Variants in CNTNAP2 observed in about 807,000 individuals in gnomAD.
The protein encoded by CNTNAP2 is contactin associated protein 2.
CNTNAP2 carries 98 observed loss-of-function variants against 155.2 expected under a neutral mutation model. The ratio of observed to expected loss-of-function variants is 0.63; its 90% CI spans 0.54 to 0.75. The LOEUF (loss-of-function observed/expected upper bound fraction) is 0.75, where lower values mean the gene tolerates loss of function less well. Among genes scored for constraint, CNTNAP2 ranks in the 30% least tolerant of loss-of-function variants. The pLI is 0.00. For missense variants in CNTNAP2, 1,727 were observed against 1,688.1 expected, an observed-to-expected ratio of 1.02 and a Z score of -0.40; for synonymous variants, 651 against 631.2, an observed-to-expected ratio of 1.03 and a Z score of -0.47.
intron 10 of CNTNAP2, among the ~76,000 whole-genome samples, chr7:147,468,150 G>T (rs4725724): frequency 0.78 from 118,159 of 151,694 alleles, 46,367 homozygotes; most frequent in African/African-American, 0.87. Flanking sequence ...AATTAGTTGG[G>T]TGTAGTGGCA....
At chr7:147,807,597 C>G (rs941204114) in intron 13 of CNTNAP2, among the ~76,000 whole-genome samples, 6 of 152,108 alleles carry the variant, frequency 3.9e-5, no homozygotes, top group African/African-American at 1.4e-4. Flanking sequence ...CAATCGAGTG[C>G]CTAGTACGTA....
chr7:148,402,656 G>C (rs1399587782), intron 22 of CNTNAP2, among the ~76,000 whole-genome samples: 1 of 152,116 alleles, frequency 6.6e-6, no homozygotes, highest in African/African-American at 2.4e-5. Context: ...AAGAAGCTAA[G>C]AACAAAGGCA....
At chr7:146,653,673 T>A (rs1194368573) in intron 1 of CNTNAP2, among the ~76,000 whole-genome samples, 2 of 152,210 alleles carry the variant, frequency 1.3e-5, no homozygotes, top group Non-Finnish European at 2.9e-5. Flanking sequence ...CAAAGTTTTC[T>A]TCAGTACCCT....
intron 1 of CNTNAP2, among the ~76,000 whole-genome samples, chr7:146,677,109 T>C (rs185476201): frequency 2.6e-5 from 4 of 152,260 alleles, no homozygotes; most frequent in Admixed American, 2.6e-4. Context: ...GAGACATCAA[T>C]CAATATGTAT....
intron 22 of CNTNAP2, among the ~76,000 whole-genome samples, chr7:148,390,242 A>T (rs375091230): frequency 6.6e-6 from 1 of 152,178 alleles, no homozygotes; most frequent in African/African-American, 2.4e-5. Flanking sequence ...GTTTTTACCT[A>T]AACTTGAGGA....
intron 15 of CNTNAP2, among the ~76,000 whole-genome samples, chr7:147,984,133 A>G (rs913958316): frequency 1.3e-5 from 2 of 152,198 alleles, no homozygotes; most frequent in Non-Finnish European, 2.9e-5. Flanking sequence ...CAGTCTGTAA[A>G]CTGTCATGGC....
intron 11 of CNTNAP2, among the ~76,000 whole-genome samples, chr7:147,542,352 A>G (rs1381506193): frequency 1.3e-5 from 2 of 151,946 alleles, no homozygotes; most frequent in African/African-American, 4.8e-5. Context: ...AAGAGTTTGT[A>G]CTGGACAGCA....
At chr7:147,136,239 C>G (rs1293638628) in intron 8 of CNTNAP2, among the ~76,000 whole-genome samples, 1 of 151,834 alleles carries the variant, frequency 6.6e-6, no homozygotes, top group Non-Finnish European at 1.5e-5. Flanking sequence ...AACTTCTCTC[C>G]ATGTATAAAC....
chr7:146,940,811 G>T (rs1202009644), intron 3 of CNTNAP2, among the ~76,000 whole-genome samples: 1 of 143,822 alleles, frequency 7.0e-6, no homozygotes, highest in Admixed American at 6.8e-5. Flanking sequence ...ATATATATGT[G>T]TGTGTGTGTA....
chr7:146,766,945 T>C (rs1055126408), intron 1 of CNTNAP2, among the ~76,000 whole-genome samples: 1 of 152,160 alleles, frequency 6.6e-6, no homozygotes, highest in South Asian at 2.1e-4. Flanking sequence ...AAGAGAGATA[T>C]AGTAAAAAGA....
At chr7:147,067,664 C>T (rs1449477982) in intron 4 of CNTNAP2, among the ~76,000 whole-genome samples, 3 of 152,146 alleles carry the variant, frequency 2.0e-5, no homozygotes, top group Non-Finnish European at 4.4e-5. Flanking sequence ...TACTATTTCA[C>T]TTTGGGCAAA....
At chr7:146,784,937 A>G (rs889475465) in intron 2 of CNTNAP2, among the ~76,000 whole-genome samples, 1 of 151,932 alleles carries the variant, frequency 6.6e-6, no homozygotes, top group Non-Finnish European at 1.5e-5. Context: ...AAATGTGTTT[A>G]CGAGAATAAT....
chr7:146,495,294 A>C (rs1455123037), intron 1 of CNTNAP2, among the ~76,000 whole-genome samples: 2 of 152,170 alleles, frequency 1.3e-5, no homozygotes, highest in African/African-American at 4.8e-5. Context: ...AGCATACATT[A>C]CATATTTGTG....
At chr7:147,918,207 C>G (rs1800194122) in intron 14 of CNTNAP2, among the ~76,000 whole-genome samples, 1 of 152,214 alleles carries the variant, frequency 6.6e-6, no homozygotes, top group Admixed American at 6.5e-5. Flanking sequence ...AGCACCATAC[C>G]TCATGTGTAT....
chr7:146,498,121 T>C (rs1215546926), intron 1 of CNTNAP2, among the ~76,000 whole-genome samples: 2 of 152,134 alleles, frequency 1.3e-5, no homozygotes, highest in Non-Finnish European at 2.9e-5. Context: ...GAAATACATC[T>C]GGAGATGATC....
At chr7:146,968,543 G>A in intron 3 of CNTNAP2, among the ~76,000 whole-genome samples, 1 of 152,246 alleles carries the variant, frequency 6.6e-6, no homozygotes, top group Non-Finnish European at 1.5e-5. Flanking sequence ...TCTTGGGAGG[G>A]TGTATGTGTC....
chr7:147,202,857 A>T lies in CNTNAP2; in HGVS notation c.1348+70348A>T, dbSNP rs1015416550. The stretch of plus-strand genomic sequence containing the variant: ...GAAATACCTAAAGTATAATTAAAAA[A>T]AAATATATATATATATAGTCAATCT... On this transcript the variant is annotated intron_variant, in intron 8 of 23. Coordinates refer to ENST00000361727, the MANE Select transcript of CNTNAP2 (RefSeq NM_014141.6). 2.1e-3 allele frequency among the ~76,000 whole-genome samples: 313 copies of T among 150,184 alleles called. 8 individuals carry two copies. In the Middle Eastern group the frequency reaches 0.024, roughly 12 times the overall value.
chr7:147,315,320 TCACCACAA>T (rs752185587), intron 9 of CNTNAP2, among the ~76,000 whole-genome samples: 1 of 150,788 alleles, frequency 6.6e-6, no homozygotes, highest in Non-Finnish European at 1.5e-5. Context: ...CTTGTAACTA[TCACCACAA>T]TCTAATTTTC....
intron 1 of CNTNAP2, among the ~76,000 whole-genome samples, chr7:146,354,362 T>C (rs17170058): frequency 0.078 from 11,911 of 152,020 alleles, 726 homozygotes; most frequent in African/African-American, 0.16. Context: ...AGTCTAATTA[T>C]TATTGTAGAC....
Sources: gnomAD v4.1 joint callset for allele counts (sites outside exome capture counted in the v4.1 genomes callset) on GRCh38, gnomAD v4.1.1 for gene constraint, MANE v1.5 for transcripts, NCBI Gene and HGNC (gene_info 2026-07-23, HGNC 2026-07-21) for gene names.